NEK10: variants seen among roughly 807,000 people sequenced by gnomAD.
The protein encoded by NEK10 is NIMA related kinase 10, also known as serine/threonine-protein kinase Nek10.
NEK10 carries 122 observed loss-of-function variants against 159.8 expected under a neutral mutation model. That is an observed-to-expected ratio of 0.76 (90% CI 0.66 to 0.89). NEK10 has a LOEUF of 0.89. NEK10 is among the 40% of genes least tolerant of loss of function. NEK10 has a pLI of 0.00. For missense variants in NEK10, 1,342 were observed against 1,323.1 expected, an observed-to-expected ratio of 1.01 and a Z score of -0.22; for synonymous variants, 466 against 457.1, an observed-to-expected ratio of 1.02 and a Z score of -0.25.
At chr3:27,178,621 A>G (rs1947760305) in intron 26 of NEK10, among the ~76,000 whole-genome samples, 1 of 152,220 alleles carries the variant, frequency 6.6e-6, no homozygotes, top group African/African-American at 2.4e-5. Flanking sequence ...GGATGATTGC[A>G]CAAAGAAAAT....
At chr3:27,341,222 T>C (rs540926571) in intron 5 of NEK10, among the ~76,000 whole-genome samples, 119 of 152,222 alleles carry the variant, frequency 7.8e-4, no homozygotes, top group African/African-American at 2.3e-3. Context: ...CAAGGGGGGA[T>C]AAACAGGTAG....
chr3:27,199,823 C>T (rs559725899), intron 25 of NEK10, among the ~76,000 whole-genome samples: 1 of 152,242 alleles, frequency 6.6e-6, no homozygotes, highest in South Asian at 2.1e-4. Context: ...ATGGCTGGAG[C>T]TGGAGGCCAT....
intron 29 of NEK10, among the ~76,000 whole-genome samples, chr3:27,168,262 A>G (rs1473553564): frequency 6.6e-6 from 1 of 151,928 alleles, no homozygotes; most frequent in Non-Finnish European, 1.5e-5. Context: ...ATAGGAAAAA[A>G]AAAAAAGAAA....
At chr3:27,254,777 T>C (rs1213602394) in intron 23 of NEK10, among the ~76,000 whole-genome samples, 1 of 152,130 alleles carries the variant, frequency 6.6e-6, no homozygotes, top group Non-Finnish European at 1.5e-5. Flanking sequence ...CTTATCTATA[T>C]GAGTAGGTTC....
intron 5 of NEK10, among the ~76,000 whole-genome samples, chr3:27,343,443 C>T (rs1022891006): frequency 6.6e-6 from 1 of 152,120 alleles, no homozygotes; most frequent in African/African-American, 2.4e-5. Flanking sequence ...TCCATTTTCA[C>T]TGGGATGGAA....
At position 27,256,938 on chromosome 3, in the gene NEK10, C is replaced by T. The variant is rs535596007; in HGVS notation, c.2015-567G>A. ...TTTTTTTTTTTTTTTTTTTTTGAGA[C>T]AGAATCTCACTCTGTCACCCAGGTT... On this transcript the variant is annotated intron_variant, in intron 22 of 35. Coordinates refer to ENST00000691995, the MANE Select transcript of NEK10 (RefSeq NM_001394966.1). 1.1e-3 allele frequency among the ~76,000 whole-genome samples: 125 copies of T among 109,598 alleles called. 1 individual carries two copies. Among genetic ancestry groups the T allele is most frequent in the South Asian group, 0.01 (35 of 3,476 alleles). 71.9% of individuals were successfully genotyped at this position (109,598 alleles called of 152,430 possible).
At chr3:27,114,265 T>C (rs1242477427) in intron 35 of NEK10, among the ~76,000 whole-genome samples, 1 of 152,208 alleles carries the variant, frequency 6.6e-6, no homozygotes, top group Non-Finnish European at 1.5e-5. Context: ...CTGTTCCTGT[T>C]ACCATTTTCT....
At chr3:27,149,281 C>A (rs565941153) in intron 30 of NEK10, among the ~76,000 whole-genome samples, 2 of 152,144 alleles carry the variant, frequency 1.3e-5, no homozygotes, top group South Asian at 4.2e-4. Context: ...AGGGCCTGAT[C>A]TCAGAGGAAA....
At chr3:27,251,017 T>A (rs1415012203) in intron 23 of NEK10, among the ~76,000 whole-genome samples, 1 of 152,196 alleles carries the variant, frequency 6.6e-6, no homozygotes, top group Non-Finnish European at 1.5e-5. Flanking sequence ...CAATCACTAT[T>A]ATCTAGTGAG....
rs1309726099 is a variant in NEK10 at position 27,162,435 on chromosome 3, C to T, written c.2869+266G>A. On this transcript the variant is annotated intron_variant, in intron 30 of 35. Transcript: ENST00000691995. ...CTGCATTTGCCCATTGTGTGCTTAA[C>T]ATCAATGTGATCTAGTAAGTACTAC... The T allele has an allele frequency of 2.5e-6, 4 of 1,610,192 alleles. No homozygotes were observed. In the African/African-American group the frequency reaches 4.0e-5, roughly 16 times the overall value.
intron 13 of NEK10, among the ~76,000 whole-genome samples, chr3:27,299,174 G>T (rs1454331978): frequency 6.6e-6 from 1 of 152,136 alleles, no homozygotes; most frequent in Non-Finnish European, 1.5e-5. Flanking sequence ...GGGAAAAACG[G>T]TTTCATGGAC....
intron 23 of NEK10, among the ~76,000 whole-genome samples, chr3:27,218,386 C>G (rs988824998): frequency 6.6e-6 from 1 of 151,986 alleles, no homozygotes; most frequent in Non-Finnish European, 1.5e-5. Flanking sequence ...GCGGGCGGAT[C>G]ACAAGGTCAG....
Position 27,268,507 on chromosome 3 carries a change from A to G in NEK10, c.2015-12136T>C, listed in dbSNP as rs139740888. 2.7e-3 allele frequency among the ~76,000 whole-genome samples: 410 copies of G among 152,340 alleles called. 4 individuals are homozygous for G. The highest frequency in any genetic ancestry group is 9.6e-3 in the African/African-American group (398 of 41,584). On this transcript the variant is annotated intron_variant, in intron 22 of 35. Transcript: ENST00000691995. ...TCCTAGGGCCCTTAAGAATGTTGCT[A>G]CATATACTCTGCTTGTTGTCTATAA...
At chr3:27,144,174 C>G (rs922597039) in intron 30 of NEK10, among the ~76,000 whole-genome samples, 2 of 152,160 alleles carry the variant, frequency 1.3e-5, no homozygotes, top group African/African-American at 4.8e-5. Flanking sequence ...CATATCACAT[C>G]ACATAAACTG....
At chr3:27,317,553 T>A (rs143989287) in intron 6 of NEK10, among the ~76,000 whole-genome samples, 138 of 152,254 alleles carry the variant, frequency 9.1e-4, no homozygotes, top group African/African-American at 3.2e-3. Context: ...TTAAAAAAAA[T>A]AGACTCAATA....
rs986292531 is a variant in NEK10, at chr3:27,107,880, T to C, written c.*3392A>G. 2.0e-5 allele frequency among the ~76,000 whole-genome samples: 3 copies of C among 152,214 alleles called. No individual in the cohort carries two copies. Among genetic ancestry groups the C allele is most frequent in the South Asian group, 4.1e-4 (2 of 4,832 alleles). On this transcript the variant is annotated 3_prime_UTR_variant, in exon 36 of 36. Coordinates refer to ENST00000691995, the MANE Select transcript of NEK10 (RefSeq NM_001394966.1). ...AGGAACCCAGCATATTGACTGTGCA[T>C]GATTCCTCACCACTTCAAAAAAAGA... is the stretch of plus-strand genomic sequence containing the variant.
chr3:27,347,818 A>G (rs747650571), intron 3 of NEK10, among the ~76,000 whole-genome samples: 2 of 152,140 alleles, frequency 1.3e-5, no homozygotes, highest in South Asian at 2.1e-4. Flanking sequence ...GCCAGATTCT[A>G]TGAATTTAAA....
At chr3:27,238,746 CGTGTGTGT>C (rs59740177) in intron 23 of NEK10, among the ~76,000 whole-genome samples, 10,313 of 138,078 alleles carry the variant, frequency 0.075, 410 homozygotes, top group African/African-American at 0.1. Flanking sequence ...CCTCCCCTTT[CGTGTGTGT>C]GTGTGTGTGT....
rs138072862 is a variant in NEK10 at position 27,235,987 on chromosome 3, A to T, written c.2090+20309T>A. Among the ~76,000 whole-genome samples, 1,348 of 152,312 alleles carry T rather than the reference A, an allele frequency of 8.9e-3. 24 individuals are homozygous for T. The highest frequency in any genetic ancestry group is 0.03 in the African/African-American group (1,251 of 41,572). On this transcript the variant is annotated intron_variant, in intron 23 of 35. Transcript: ENST00000691995. ...TGCAACCATAAAAAAGAATAAGATC[A>T]TGTCCTTTGCAGGAACATGGATAGA... is the stretch of plus-strand genomic sequence containing the variant.
Sources: gnomAD v4.1 joint callset for allele counts (sites outside exome capture counted in the v4.1 genomes callset) on GRCh38, gnomAD v4.1.1 for gene constraint, MANE v1.5 for transcripts, NCBI Gene and HGNC (gene_info 2026-07-23, HGNC 2026-07-21) for gene names.